The following PIEZO2 variants were observed in gnomAD, a reference collection of about 807,000 sequenced individuals.
PIEZO2 encodes the protein piezo-type mechanosensitive ion channel component 2.
Under a neutral mutation model 337.3 loss-of-function variants are expected in PIEZO2, and 172 were observed. The observed-to-expected ratio is 0.51, with a 90% CI of 0.45 to 0.58. PIEZO2 has a LOEUF of 0.58. PIEZO2 is among the 20% of genes least tolerant of loss of function. PIEZO2 has a pLI of 0.00. For synonymous variants in PIEZO2, 1,251 were observed against 1,228.5 expected (o/e 1.02, Z -0.38); for missense variants, 3,028 against 3,391.3 (o/e 0.89, Z 2.66).
In PIEZO2 at chr18:10,888,544, G is replaced by A. The variant is rs1025823780; in HGVS notation, c.330-17129C>T. ...TGCTTCTGGGTCCTCTTATTTGACA[G>A]AGTCCTTTGCATATATTTCCACACA... On this transcript the variant is annotated intron_variant, in intron 4 of 55. Transcript: ENST00000674853. This position sits in a 1 kb window ranked among gnomAD's most constrained non-coding sequence, Gnocchi z 4.1. Among the ~76,000 whole-genome samples the A allele has an allele frequency of 2.0e-5, 3 of 152,114 alleles. No homozygotes were observed. The highest frequency in any genetic ancestry group is 7.2e-5 in the African/African-American group (3 of 41,402).
chr18:10,942,910 C>A lies in PIEZO2; in HGVS notation c.287-31682G>T, dbSNP rs2032803793. ...GTGCCCTGCGTCCCAGTCACTCCAGCCATGGCTGAAAGGGGCCAACACAGA... is the reference window on the plus strand; with the variant it reads ...GTGCCCTGCGTCCCAGTCACTCCAGACATGGCTGAAAGGGGCCAACACAGA... On this transcript the variant is annotated intron_variant, in intron 3 of 55. Transcript: ENST00000674853. This position sits in a 1 kb window ranked among gnomAD's most constrained non-coding sequence, Gnocchi z 4.4. Among the ~76,000 whole-genome samples the A allele has an allele frequency of 6.6e-6, 1 of 152,186 alleles. No homozygotes were observed. Among genetic ancestry groups the A allele is most frequent in the African/African-American group, 2.4e-5 (1 of 41,452 alleles).
intron 7 of PIEZO2, among the ~76,000 whole-genome samples, chr18:10,843,664 C>T (rs2041262330): frequency 6.6e-6 from 1 of 152,194 alleles, no homozygotes. Context: ...AGCAAGCATT[C>T]ATTGGTACCT....
At chr18:10,908,021 C>G (rs889276812) in intron 4 of PIEZO2, among the ~76,000 whole-genome samples, 1 of 152,198 alleles carries the variant, frequency 6.6e-6, no homozygotes, top group Non-Finnish European at 1.5e-5. Context: ...AATAGCCCCA[C>G]AGAGGGAAAA....
chr18:10,807,327 C>T, intron 7 of PIEZO2, 53 bp from the exon 8 acceptor site: 1 of 1,462,458 alleles, frequency 6.8e-7, no homozygotes, highest in Middle Eastern at 1.8e-4. Context: ...TATATGTCTC[C>T]AACATTGAAT....
chr18:10,871,003 T>G (rs1387030220), intron 5 of PIEZO2, among the ~76,000 whole-genome samples: 1 of 151,226 alleles, frequency 6.6e-6, no homozygotes, highest in Non-Finnish European at 1.5e-5. Flanking sequence ...TTTGGGGTGG[T>G]GGGTCAAAGC....
At chr18:10,884,178 C>T (rs756972020) in intron 4 of PIEZO2, among the ~76,000 whole-genome samples, 10 of 152,180 alleles carry the variant, frequency 6.6e-5, no homozygotes, top group Non-Finnish European at 1.0e-4. Flanking sequence ...TGTCTTTCTA[C>T]GCCTGGCTTA....
chr18:10,696,192 C>G lies in PIEZO2; in HGVS notation c.7072G>C (p.Val2358Leu), dbSNP rs768440877. The change falls in exon 47 of 56, where the codon GTG becomes CTG. Residue 2358 changes from valine to leucine, a missense_variant. Val to Leu is a conservative substitution (Grantham distance 32). This residue lies in a region of PIEZO2 where 179 missense variants were observed against 281.8 expected (regional missense o/e 0.64). Coordinates refer to ENST00000674853, the MANE Select transcript of PIEZO2 (RefSeq NM_001378183.1). ...VMVLIQFGTM[V>L]VDRALYLRKT... ...CTGAGGTAGAGGGCTCGGTCCACCACCATGGTTCCAAACTGAATGAGGACC... is the reference window on the plus strand; with the variant it reads ...CTGAGGTAGAGGGCTCGGTCCACCAGCATGGTTCCAAACTGAATGAGGACC... 8.4e-5 allele frequency: 135 copies of G among 1,613,964 alleles called. No individual in the cohort carries two copies. Among genetic ancestry groups the G allele is most frequent in the Non-Finnish European group, 1.1e-4 (132 of 1,179,900 alleles).
In PIEZO2 at chr18:10,847,583, C is replaced by A. The variant is rs960774953; in HGVS notation, c.917+7770G>T. Among the ~76,000 whole-genome samples, 1 of 152,122 alleles carries A rather than the reference C, an allele frequency of 6.6e-6. No individual in the cohort carries two copies. Among genetic ancestry groups the A allele is most frequent in the Non-Finnish European group, 1.5e-5 (1 of 68,026 alleles). On this transcript the variant is annotated intron_variant, in intron 7 of 55. Coordinates refer to ENST00000674853, the MANE Select transcript of PIEZO2 (RefSeq NM_001378183.1). This position sits in a 1 kb window ranked among gnomAD's most constrained non-coding sequence, Gnocchi z 5.7. Reference sequence around the variant, plus strand: ...CACCTCATTGCCCTGGGATCCCGGTCCCCACTACACCCACGTAGGCCCCCA... The same window carrying A: ...CACCTCATTGCCCTGGGATCCCGGTACCCACTACACCCACGTAGGCCCCCA...
intron 2 of PIEZO2, among the ~76,000 whole-genome samples, chr18:11,059,324 G>A (rs1344442433): frequency 2.0e-5 from 3 of 152,164 alleles, no homozygotes; most frequent in Admixed American, 6.5e-5. Flanking sequence ...AAAGGCCATC[G>A]ATGCTAGAAA....
chr18:11,086,498 A>ATG lies in PIEZO2; in HGVS notation c.65-20277_65-20276insCA, dbSNP rs1568362000. Among the ~76,000 whole-genome samples the ATG allele has an allele frequency of 2.2e-3, 337 of 151,004 alleles. 2 individuals carry two copies. Among genetic ancestry groups the ATG allele is most frequent in the African/African-American group, 7.7e-3 (314 of 40,854 alleles). ...CCCGCCACTGCACTCCAGCCTGGGC[A>ATG]ACAGAGCGAGACTCCGTCTCAAAAA... On this transcript the variant is annotated intron_variant, in intron 1 of 55. Coordinates refer to ENST00000674853, the MANE Select transcript of PIEZO2 (RefSeq NM_001378183.1).
intron 3 of PIEZO2, among the ~76,000 whole-genome samples, chr18:10,950,130 A>C (rs929425727): frequency 5.9e-5 from 9 of 152,212 alleles, no homozygotes; most frequent in African/African-American, 2.2e-4. Context: ...TATTTTAATG[A>C]GGGTTAATAT....
chr18:11,005,505 G>A (rs897770271), intron 2 of PIEZO2, among the ~76,000 whole-genome samples: 1 of 152,202 alleles, frequency 6.6e-6, no homozygotes, highest in Non-Finnish European at 1.5e-5. Flanking sequence ...CTTGATCAAG[G>A]AGCGGTATCA....
intron 47 of PIEZO2, among the ~76,000 whole-genome samples, chr18:10,691,800 TAG>T (rs1284384826): frequency 0.031 from 2,750 of 89,706 alleles, 203 homozygotes; most frequent in African/African-American, 0.058. Flanking sequence ...TATATATATA[TAG>T]AGAGAGAGAG....
intron 27 of PIEZO2, among the ~76,000 whole-genome samples, chr18:10,756,467 A>G: frequency 7.5e-6 from 1 of 133,082 alleles, no homozygotes; most frequent in Non-Finnish European, 1.6e-5. Flanking sequence ...AAAAGCTATG[A>G]GGATGAGGAG....
intron 1 of PIEZO2, among the ~76,000 whole-genome samples, chr18:11,138,766 G>A (rs8083499): frequency 0.44 from 66,491 of 151,980 alleles, 14,731 homozygotes; most frequent in African/African-American, 0.51. Flanking sequence ...GCAAAGTGGC[G>A]GGTGAGCACA....
rs80327588 is a variant in PIEZO2, at chr18:10,770,497, T to A, written c.2786-189A>T. Reference sequence around the variant, plus strand: ...AGTCATGATGACACAGATATCATACTCTCAGACTTGGAGGGACAATGTGGC... The same window carrying A: ...AGTCATGATGACACAGATATCATACACTCAGACTTGGAGGGACAATGTGGC... On this transcript the variant is annotated intron_variant, in intron 20 of 55. Transcript: ENST00000674853. Among the ~76,000 whole-genome samples the A allele has an allele frequency of 0.028, 4,266 of 152,254 alleles. 197 individuals carry two copies. Among genetic ancestry groups the A allele is most frequent in the African/African-American group, 0.097 (4,036 of 41,502 alleles).
At chr18:10,706,420 C>T (rs1284509268) in intron 40 of PIEZO2, among the ~76,000 whole-genome samples, 1 of 152,196 alleles carries the variant, frequency 6.6e-6, no homozygotes, top group African/African-American at 2.4e-5. Flanking sequence ...AGGGCTTCCC[C>T]TTCCCTGTGG....
intron 20 of PIEZO2, among the ~76,000 whole-genome samples, chr18:10,771,156 G>C (rs1197982507): frequency 6.6e-6 from 1 of 152,220 alleles, no homozygotes; most frequent in African/African-American, 2.4e-5. Flanking sequence ...TAAATGGCCT[G>C]TCTCCTTCGA....
chr18:10,898,004 A>G (rs264169), intron 4 of PIEZO2, among the ~76,000 whole-genome samples: 141,146 of 152,290 alleles, frequency 0.93, 65,463 homozygotes, highest in East Asian at 1. Context: ...AAAAAAATTT[A>G]ACATAAAATC....
Sources: gnomAD v4.1 joint callset for allele counts (sites outside exome capture counted in the v4.1 genomes callset) on GRCh38, gnomAD v4.1.1 for gene constraint, gnomAD v4.1.1 regional missense constraint, Gnocchi (gnomAD v3.1) non-coding constraint, MANE v1.5 for transcripts, NCBI Gene and HGNC (gene_info 2026-07-23, HGNC 2026-07-21) for gene names.